The following SH3GL2 variants were observed in gnomAD, a reference collection of about 807,000 sequenced individuals.
SH3GL2 encodes SH3 domain containing GRB2 like 2, endophilin A1.
Under a neutral mutation model 46.0 loss-of-function variants are expected in SH3GL2, and 24 were observed. The ratio of observed to expected loss-of-function variants is 0.52; its 90% confidence interval spans 0.38 to 0.73. SH3GL2 has a LOEUF of 0.73. Among genes scored for constraint, SH3GL2 ranks in the 30% least tolerant of loss-of-function variants. The pLI is 0.00. For synonymous variants in SH3GL2, 196 were observed against 147.1 expected (o/e 1.33, Z -2.40); for missense variants, 413 against 424.2 (o/e 0.97, Z 0.23).
chr9:17,692,120 A>G lies in SH3GL2; in HGVS notation c.46-54946A>G, dbSNP rs181429144. Among the ~76,000 whole-genome samples, 46 of 152,228 alleles carry G rather than the reference A, an allele frequency of 3.0e-4. 1 individual carries two copies. Among genetic ancestry groups the G allele is most frequent in the African/African-American group, 1.1e-3 (45 of 41,542 alleles). ...GACCAAACAAGTATATATTAATAGA[A>G]GATAGACTAAGGGATGGTACATCTA... is the stretch of plus-strand genomic sequence containing the variant. On this transcript the variant is annotated intron_variant, in intron 1 of 8. Transcript: ENST00000380607.
In SH3GL2 at chr9:17,601,257, A is replaced by ATT. The variant is rs112331317; in HGVS notation, c.45+21980_45+21981dup. Among the ~76,000 whole-genome samples the ATT allele has an allele frequency of 3.2e-4, 47 of 148,658 alleles. 1 individual carries two copies. Among genetic ancestry groups the ATT allele is most frequent in the African/African-American group, 1.1e-3 (45 of 40,772 alleles). The stretch of plus-strand genomic sequence containing the variant: ...TTTTCTTTTTCTTTTTTTGGAATCA[A>ATT]TTTTTTTTTTTACTAAAGGACATAC... On this transcript the variant is annotated intron_variant, in intron 1 of 8. Coordinates refer to ENST00000380607, the MANE Select transcript of SH3GL2 (RefSeq NM_003026.5).
chr9:17,778,562 G>A (rs1165977552), intron 3 of SH3GL2, among the ~76,000 whole-genome samples: 1 of 152,076 alleles, frequency 6.6e-6, no homozygotes, highest in Non-Finnish European at 1.5e-5. Flanking sequence ...AATGACGTGG[G>A]AACACATTAA....
chr9:17,725,653 A>T (rs1369964466), intron 1 of SH3GL2, among the ~76,000 whole-genome samples: 2 of 151,996 alleles, frequency 1.3e-5, no homozygotes, highest in African/African-American at 2.4e-5. Context: ...CTTCGTGTGG[A>T]ATGTCTACCC....
At chr9:17,782,856 A>G (rs949690836) in intron 3 of SH3GL2, among the ~76,000 whole-genome samples, 3 of 152,122 alleles carry the variant, frequency 2.0e-5, no homozygotes, top group African/African-American at 7.2e-5. Flanking sequence ...TCTTTCTGTC[A>G]CCCTCTCTAA....
chr9:17,642,639 GT>G (rs1427699133), intron 1 of SH3GL2, among the ~76,000 whole-genome samples: 1 of 152,124 alleles, frequency 6.6e-6, no homozygotes, highest in Non-Finnish European at 1.5e-5. Flanking sequence ...TTTTTGTCAG[GT>G]TTGTCAAAGA....
chr9:17,793,295 C>T, intron 7 of SH3GL2, 72 bp from the exon 8 acceptor site: 1 of 1,380,412 alleles, frequency 7.2e-7, no homozygotes, highest in East Asian at 2.3e-5. Context: ...TTTCCTGAAT[C>T]TTTATATTTG....
chr9:17,722,165 C>T (rs28399352), intron 1 of SH3GL2, among the ~76,000 whole-genome samples: 10,090 of 152,074 alleles, frequency 0.066, 951 homozygotes, highest in African/African-American at 0.2. Flanking sequence ...GATTGATACC[C>T]AGGAAGTGTG....
At chr9:17,654,059 T>C (rs901238558) in intron 1 of SH3GL2, among the ~76,000 whole-genome samples, 19 of 152,170 alleles carry the variant, frequency 1.2e-4, no homozygotes, top group Non-Finnish European at 1.5e-5. Flanking sequence ...CCTCTCTCAT[T>C]AGCAGCTAGC....
intron 1 of SH3GL2, 94 bp from the exon 2 acceptor site, chr9:17,746,972 C>T: frequency 2.5e-6 from 2 of 791,194 alleles, no homozygotes; most frequent in Non-Finnish European, 4.2e-6. Flanking sequence ...TGTGAGATTA[C>T]ATTAGATGAC....
At chr9:17,702,410 A>G (rs1341440700) in intron 1 of SH3GL2, among the ~76,000 whole-genome samples, 1 of 151,976 alleles carries the variant, frequency 6.6e-6, no homozygotes, top group Non-Finnish European at 1.5e-5. Flanking sequence ...ATCAGGATAT[A>G]TGTACCGATA....
At chr9:17,625,425 C>T (rs1407555933) in intron 1 of SH3GL2, among the ~76,000 whole-genome samples, 6 of 152,322 alleles carry the variant, frequency 3.9e-5, no homozygotes, top group African/African-American at 1.4e-4. Context: ...TGCAAGTCAC[C>T]TGATAATTTC....
At chr9:17,616,664 A>G (rs1819008030) in intron 1 of SH3GL2, among the ~76,000 whole-genome samples, 1 of 152,042 alleles carries the variant, frequency 6.6e-6, no homozygotes, top group Admixed American at 6.6e-5. Flanking sequence ...ATCAAAAAGT[A>G]TTTTCTCCTG....
At chr9:17,681,850 A>G (rs922486044) in intron 1 of SH3GL2, among the ~76,000 whole-genome samples, 1 of 152,216 alleles carries the variant, frequency 6.6e-6, no homozygotes, top group African/African-American at 2.4e-5. Context: ...ATTTAAACAA[A>G]TTTACAAGAA....
intron 1 of SH3GL2, among the ~76,000 whole-genome samples, chr9:17,682,300 G>C (rs1820792015): frequency 6.6e-6 from 1 of 152,100 alleles, no homozygotes; most frequent in African/African-American, 2.4e-5. Flanking sequence ...CAAAGTCATG[G>C]AACCAACCCA....
chr9:17,618,979 A>T (rs1277741255), intron 1 of SH3GL2, among the ~76,000 whole-genome samples: 1 of 152,206 alleles, frequency 6.6e-6, no homozygotes, highest in Non-Finnish European at 1.5e-5. Context: ...AATTCCAAAA[A>T]TGACATAAGA....
chr9:17,791,221 C>G lies in SH3GL2; in HGVS notation c.625-10C>G. 2 of 1,601,022 alleles carry G rather than the reference C, an allele frequency of 1.2e-6. No individual in the cohort carries two copies. The highest frequency in any genetic ancestry group is 1.7e-6 in the Non-Finnish European group (2 of 1,168,248). On this transcript the variant is annotated splice_polypyrimidine_tract_variant and intron_variant, in intron 6 of 8. Transcript: ENST00000380607. ...TAAAACTAAGGCATGATTTTCCCAT[C>G]AATCTGCAGATTGAACAAGTGAGCC...
At chr9:17,723,441 T>G (rs1353304754) in intron 1 of SH3GL2, among the ~76,000 whole-genome samples, 1 of 152,154 alleles carries the variant, frequency 6.6e-6, no homozygotes, top group African/African-American at 2.4e-5. Flanking sequence ...ACAAATGATT[T>G]TATACATCTT....
At chr9:17,791,878 C>T (rs1824139967) in intron 7 of SH3GL2, among the ~76,000 whole-genome samples, 2 of 152,200 alleles carry the variant, frequency 1.3e-5, no homozygotes, top group South Asian at 2.1e-4. Flanking sequence ...GAGCTACTTT[C>T]ACCTCATTAG....
intron 1 of SH3GL2, among the ~76,000 whole-genome samples, chr9:17,709,860 C>G (rs1272393684): frequency 6.6e-6 from 1 of 151,772 alleles, no homozygotes; most frequent in Non-Finnish European, 1.5e-5. Flanking sequence ...GCTGAAGACA[C>G]AAAGAGGAGT....
Sources: gnomAD v4.1 joint callset for allele counts (sites outside exome capture counted in the v4.1 genomes callset) on GRCh38, gnomAD v4.1.1 for gene constraint, MANE v1.5 for transcripts, NCBI Gene and HGNC (gene_info 2026-07-23, HGNC 2026-07-21) for gene names.